The following SLIT3 variants were observed in gnomAD, a reference collection of about 807,000 sequenced individuals.
SLIT3 encodes the protein slit guidance ligand 3.
A neutral mutation model predicts 184.0 loss-of-function variants in SLIT3; 68 were observed. The observed-to-expected ratio is 0.37, with a 90% CI of 0.30 to 0.45. The LOEUF is 0.45. SLIT3 is among the 20% of genes least tolerant of loss of function. SLIT3 has a pLI of 1.00. For synonymous variants in SLIT3, 831 were observed against 828.6 expected, an observed-to-expected ratio of 1.00 and a Z score of -0.05; for missense variants, 1,707 against 2,026.0, an observed-to-expected ratio of 0.84 and a Z score of 3.02.
chr5:168,961,020 C>G (rs1013462555), intron 4 of SLIT3, among the ~76,000 whole-genome samples: 2 of 152,178 alleles, frequency 1.3e-5, no homozygotes, highest in Non-Finnish European at 2.9e-5. Flanking sequence ...TTAAAAAGCT[C>G]CATCTCCTCA....
intron 26 of SLIT3, among the ~76,000 whole-genome samples, chr5:168,701,768 C>T (rs1329818496): frequency 6.6e-6 from 1 of 152,228 alleles, no homozygotes; most frequent in Non-Finnish European, 1.5e-5. Context: ...GCCCTGGGCT[C>T]AGTGGCTTGG....
chr5:169,157,268 G>T (rs1762342255), intron 4 of SLIT3, among the ~76,000 whole-genome samples: 1 of 152,208 alleles, frequency 6.6e-6, no homozygotes, highest in South Asian at 2.1e-4. Flanking sequence ...ATAATTGTGG[G>T]AGTGATGTCA....
chr5:168,907,046 A>C (rs2113057590), intron 4 of SLIT3, among the ~76,000 whole-genome samples: 1 of 152,212 alleles, frequency 6.6e-6, no homozygotes, highest in South Asian at 2.1e-4. Context: ...ATTTTAGTGG[A>C]GACAGGGTTT....
In SLIT3 at chr5:169,224,004, G is replaced by A. The variant is rs564406221; in HGVS notation, c.341+20701C>T. 7.2e-5 allele frequency among the ~76,000 whole-genome samples: 11 copies of A among 152,224 alleles called. No homozygotes were observed. The South Asian group carries it at 1.2e-3, about 17-fold the overall frequency. On this transcript the variant is annotated intron_variant, in intron 3 of 35. Coordinates refer to ENST00000519560, the MANE Select transcript of SLIT3 (RefSeq NM_003062.4). Reference sequence around the variant, plus strand: ...GCTTTTGACATTGTAATCATATCTCGTCTTTTACTAAGTAGTCTTAAGAAG... The same window carrying A: ...GCTTTTGACATTGTAATCATATCTCATCTTTTACTAAGTAGTCTTAAGAAG...
At position 169,193,388 on chromosome 5, in the gene SLIT3, C is replaced by A. The variant is rs574314747; in HGVS notation, c.413+91G>T. On this transcript the variant is annotated intron_variant, in intron 4 of 35. Coordinates refer to ENST00000519560, the MANE Select transcript of SLIT3 (RefSeq NM_003062.4). Reference sequence around the variant, plus strand: ...TATGTCAGGGCCTAACTGCCAAGCTCCACACGGCACGGCGCTCCACAAACC... The same window carrying A: ...TATGTCAGGGCCTAACTGCCAAGCTACACACGGCACGGCGCTCCACAAACC... 208 of 1,076,934 alleles carry A rather than the reference C, an allele frequency of 1.9e-4. 2 individuals carry two copies. The South Asian group carries it at 2.5e-3, about 13-fold the overall frequency. 66.7% of individuals were successfully genotyped at this position (1,076,934 alleles called of 1,614,324 possible).
chr5:168,944,415 C>T (rs771553305), intron 4 of SLIT3, among the ~76,000 whole-genome samples: 3 of 152,138 alleles, frequency 2.0e-5, no homozygotes, highest in Non-Finnish European at 4.4e-5. Context: ...CTTCTGAAGG[C>T]GTAGGTATCT....
chr5:168,779,102 C>T (rs1755874999), intron 12 of SLIT3, among the ~76,000 whole-genome samples: 1 of 152,236 alleles, frequency 6.6e-6, no homozygotes, highest in Non-Finnish European at 1.5e-5. Flanking sequence ...AGGCCAGGTA[C>T]TCCCATTTAA....
At chr5:169,093,853 G>T (rs1759678754) in intron 4 of SLIT3, among the ~76,000 whole-genome samples, 1 of 152,064 alleles carries the variant, frequency 6.6e-6, no homozygotes, top group Non-Finnish European at 1.5e-5. Flanking sequence ...GCCTTGAAGA[G>T]GCCTTATGAA....
chr5:168,975,836 C>T (rs1323454910), intron 4 of SLIT3, among the ~76,000 whole-genome samples: 4 of 152,128 alleles, frequency 2.6e-5, no homozygotes, highest in African/African-American at 9.7e-5. Context: ...GGAGTTACTA[C>T]TTTTGCCATG....
chr5:169,208,515 T>C (rs1016076455), intron 3 of SLIT3, among the ~76,000 whole-genome samples: 2 of 152,258 alleles, frequency 1.3e-5, no homozygotes, highest in African/African-American at 2.4e-5. Context: ...GGAGGCATCA[T>C]GCTACCTGAC....
At chr5:169,236,094 T>C (rs893246499) in intron 3 of SLIT3, among the ~76,000 whole-genome samples, 8 of 152,222 alleles carry the variant, frequency 5.3e-5, no homozygotes, top group African/African-American at 1.7e-4. Context: ...TATGGGATCT[T>C]TCTCTTTATT....
intron 10 of SLIT3, 51 bp from the exon 11 acceptor site, chr5:168,789,682 C>T (rs369353984): frequency 1.4e-4 from 185 of 1,346,824 alleles, no homozygotes; most frequent in South Asian, 1.3e-3. Context: ...GGTGCGATAA[C>T]GGTCACTCCT....
At chr5:169,080,417 G>C (rs2113157721) in intron 4 of SLIT3, among the ~76,000 whole-genome samples, 1 of 152,270 alleles carries the variant, frequency 6.6e-6, no homozygotes, top group East Asian at 1.9e-4. Context: ...TGGGGAGGTG[G>C]GTACTATGAT....
At chr5:169,049,527 G>A (rs979981178) in intron 4 of SLIT3, among the ~76,000 whole-genome samples, 1 of 152,194 alleles carries the variant, frequency 6.6e-6, no homozygotes, top group Non-Finnish European at 1.5e-5. Context: ...GACAGCAGTG[G>A]AGAACTGGAA....
chr5:168,916,967 G>A (rs1257971783), intron 4 of SLIT3, among the ~76,000 whole-genome samples: 1 of 152,080 alleles, frequency 6.6e-6, no homozygotes, highest in Non-Finnish European at 1.5e-5. Context: ...GTCTCTCCCT[G>A]TCATTTCTCC....
chr5:168,917,892 T>C (rs1177562165), intron 4 of SLIT3, among the ~76,000 whole-genome samples: 7 of 152,198 alleles, frequency 4.6e-5, no homozygotes, highest in African/African-American at 1.7e-4. Context: ...TAAAACAATC[T>C]GTGAATAAAT....
chr5:169,144,071 T>C (rs1313573138), intron 4 of SLIT3, among the ~76,000 whole-genome samples: 7 of 152,136 alleles, frequency 4.6e-5, no homozygotes, highest in Admixed American at 4.6e-4. Flanking sequence ...ATGGTGTAGA[T>C]GAGACAAGGG....
At chr5:168,757,588 T>C (rs1477566912) in intron 16 of SLIT3, among the ~76,000 whole-genome samples, 13 of 152,234 alleles carry the variant, frequency 8.5e-5, no homozygotes, top group Middle Eastern at 3.4e-3. Context: ...CGCCTGCCAT[T>C]GCGCCCGGCT....
intron 6 of SLIT3, among the ~76,000 whole-genome samples, chr5:168,825,189 G>A (rs1473236113): frequency 1.3e-5 from 2 of 152,158 alleles, no homozygotes; most frequent in Non-Finnish European, 2.9e-5. Flanking sequence ...CATTCATGGA[G>A]AGAATCTAGT....
Sources: allele counts gnomAD v4.1 joint callset (sites outside exome capture counted in the v4.1 genomes callset), GRCh38; gene constraint gnomAD v4.1.1; transcripts MANE v1.5; gene names NCBI Gene and HGNC (gene_info 2026-07-23, HGNC 2026-07-21).